Variants in ATP6V1B2 observed in about 807,000 individuals in gnomAD.
ATP6V1B2 encodes V-type proton ATPase subunit B, brain isoform.
ATP6V1B2 carries 23 observed loss-of-function variants against 66.7 expected under a neutral mutation model. The ratio of observed to expected loss-of-function variants is 0.34; its 90% CI spans 0.25 to 0.49. The LOEUF is 0.49. Among genes scored for constraint, ATP6V1B2 ranks in the 20% least tolerant of loss-of-function variants. ATP6V1B2 has a pLI of 0.99. For missense variants in ATP6V1B2, 478 were observed against 650.8 expected (o/e 0.73, Z 2.89); for synonymous variants, 278 against 236.7 (o/e 1.17, Z -1.60).
rs1212651307 is a variant in ATP6V1B2 at position 20,220,766 on chromosome 8, T to TA, written c.*366dup. ...TCAAGAGTACCAGTCTCTGAAGTTA[T>TA]AATGCTTTGGTCTCTACATTAGGGG... On this transcript the variant is annotated 3_prime_UTR_variant, in exon 14 of 14. Coordinates refer to ENST00000276390, the MANE Select transcript of ATP6V1B2 (RefSeq NM_001693.4). 2 of 163,956 alleles carry TA rather than the reference T, an allele frequency of 1.2e-5. No individual in the cohort carries two copies. The highest frequency in any genetic ancestry group is 4.8e-5 in the African/African-American group (2 of 41,522). The allele number at this position is 163,956 out of a possible 1,614,324, so 10.2% of individuals were successfully genotyped here. A position where few individuals can be genotyped will look rare whatever the true frequency, so the allele number is the denominator to read the frequency against.
At position 20,201,881 on chromosome 8, in the gene ATP6V1B2, AGTCCCAGGGTG is replaced by A. The variant is rs561873849; in HGVS notation, c.137-2600_137-2590del. On this transcript the variant is annotated intron_variant, in intron 1 of 13. Transcript: ENST00000276390. The stretch of plus-strand genomic sequence containing the variant: ...CCTTCTTTCTGGTGGGACTTGAAAG[AGTCCCAGGGTG>A]GTTCAGGGCATCACATGGTGAGGGG... Among the ~76,000 whole-genome samples the A allele has an allele frequency of 7.4e-4, 112 of 152,290 alleles. No individual in the cohort carries two copies. In the East Asian group the frequency reaches 0.019, roughly 26 times the overall value.
intron 1 of ATP6V1B2, among the ~76,000 whole-genome samples, chr8:20,202,564 A>G (rs368921037): frequency 2.6e-5 from 4 of 152,322 alleles, no homozygotes; most frequent in African/African-American, 9.6e-5. Flanking sequence ...GTAGATGTCA[A>G]TTTGAGTCAC....
In ATP6V1B2 at chr8:20,209,547, C is replaced by T; in HGVS notation, c.291+16C>T. On this transcript the variant is annotated intron_variant, in intron 3 of 13. Coordinates refer to ENST00000276390, the MANE Select transcript of ATP6V1B2 (RefSeq NM_001693.4). ...AGTAGTTCAGGTAAGTTTCAGCTGG[C>T]CAGCTGAACTGTTTCCTAGTTGCCT... 6.2e-7 allele frequency: 1 copy of T among 1,605,554 alleles called. No homozygotes were observed. Among genetic ancestry groups the T allele is most frequent in the South Asian group, 1.1e-5 (1 of 90,898 alleles).
At chr8:20,216,956 A>G in intron 11 of ATP6V1B2, 1 of 394,208 alleles carries the variant, frequency 2.5e-6, no homozygotes, top group Non-Finnish European at 4.6e-6. Flanking sequence ...ACAGATGTTG[A>G]AAGTTGAGTT....
chr8:20,197,619 A>G (rs1563797848), intron 1 of ATP6V1B2, 77 bp downstream of exon 1: 1 of 1,290,960 alleles, frequency 7.7e-7, no homozygotes, highest in Non-Finnish European at 9.9e-7. Flanking sequence ...CTGCTTAGCC[A>G]GCGGGTAGGG....
Position 20,218,265 on chromosome 8 carries a change from G to C in ATP6V1B2, c.1379G>C (p.Arg460Thr), listed in dbSNP as rs781305658. ...TTGGAATTTCTGCAGAAGTTTGAGA[G>C]GAACTTCATTGCTCAGGGTAAGATG... ...LYLEFLQKFERNFIAQGPYEN... is the reference protein window; with the variant it reads ...LYLEFLQKFETNFIAQGPYEN... Residue 460 changes from arginine to threonine, a missense_variant, in exon 13 of 14, where the codon AGG (arginine) becomes ACG (threonine). By Grantham distance (71) the Arg-to-Thr change is moderately conservative. Coordinates refer to ENST00000276390, the MANE Select transcript of ATP6V1B2 (RefSeq NM_001693.4). 3.7e-6 allele frequency: 6 copies of C among 1,613,238 alleles called. No individual in the cohort carries two copies. Among genetic ancestry groups the C allele is most frequent in the Non-Finnish European group, 5.1e-6 (6 of 1,179,398 alleles).
chr8:20,217,160 C>T lies in ATP6V1B2; in HGVS notation c.1162-60C>T, dbSNP rs1042963806. The T allele has an allele frequency of 3.1e-5, 42 of 1,339,768 alleles. No individual in the cohort carries two copies. The African/African-American group carries it at 5.5e-4, about 18-fold the overall frequency. The allele number at this position is 1,339,768 out of a possible 1,614,324, so 83.0% of individuals were successfully genotyped here. A position where few individuals can be genotyped will look rare whatever the true frequency, so the allele number is the denominator to read the frequency against. ...ATGAGTTTCAAATGTTTTTTTATTACCAGTAAAACTTGAGTTTTGTACTTA... is the reference window on the plus strand; with the variant it reads ...ATGAGTTTCAAATGTTTTTTTATTATCAGTAAAACTTGAGTTTTGTACTTA... On this transcript the variant is annotated intron_variant, in intron 11 of 13. Coordinates refer to ENST00000276390, the MANE Select transcript of ATP6V1B2 (RefSeq NM_001693.4).
In ATP6V1B2 at chr8:20,210,372, T is replaced by A; in HGVS notation, c.318T>A (p.Asp106Glu). 3 of 1,613,446 alleles carry A rather than the reference T, an allele frequency of 1.9e-6. No homozygotes were observed. Among genetic ancestry groups the A allele is most frequent in the Non-Finnish European group, 2.5e-6 (3 of 1,179,620 alleles). ...TATTTGAAGGGACTTCAGGTATAGA[T>A]GCTAAGAAAACGTCCTGTGAGTTTA... ...VQVFEGTSGI[D>E]AKKTSCEFTG... Residue 106 changes from aspartate to glutamate, a missense_variant, in exon 4 of 14, where the codon GAT becomes GAA. Asp to Glu is a conservative substitution (Grantham distance 45, BLOSUM62 2). Transcript: ENST00000276390.
intron 1 of ATP6V1B2, among the ~76,000 whole-genome samples, chr8:20,202,713 C>G (rs1376796316): frequency 6.6e-6 from 1 of 152,048 alleles, no homozygotes; most frequent in Non-Finnish European, 1.5e-5. Flanking sequence ...GAAATCAGAC[C>G]TATAAAGGAG....
At position 20,209,420 on chromosome 8, in the gene ATP6V1B2, T is replaced by A. The variant is rs775967966; in HGVS notation, c.193-13T>A. On this transcript the variant is annotated splice_polypyrimidine_tract_variant and intron_variant, in intron 2 of 13. Coordinates refer to ENST00000276390, the MANE Select transcript of ATP6V1B2 (RefSeq NM_001693.4). ...AAATGTCGGATATTGATCCTTTATT[T>A]TTTTCTCTTTAGTTTCCCAGGTATG... The A allele has an allele frequency of 6.2e-7, 1 of 1,612,396 alleles. No homozygotes were observed. Among genetic ancestry groups the A allele is most frequent in the Non-Finnish European group, 8.5e-7 (1 of 1,178,722 alleles).
intron 4 of ATP6V1B2, 34 bp downstream of exon 4, chr8:20,210,473 T>G (rs1339627854): frequency 6.2e-7 from 1 of 1,608,558 alleles, no homozygotes; most frequent in Admixed American, 1.7e-5. Context: ...AGCCGAGATC[T>G]GTTTCCTTTT....
rs148416874 is a variant in ATP6V1B2, at chr8:20,211,185, A to G, written c.472A>G (p.Ile158Val). The change falls in exon 6 of 14, where the codon ATC becomes GTC. Residue 158 changes from isoleucine (I) to valine (V), a missense_variant. This residue lies in a region of ATP6V1B2 where 326 missense variants were observed against 545.6 expected (regional missense o/e 0.60). Transcript: ENST00000276390. ...EDFLDIMGQP[I>V]NPQCRIYPEE... ...TTTTGGAAATACATTAGGTCAGCCA[A>G]TCAACCCTCAATGTCGAATCTACCC... The G allele has an allele frequency of 8.7e-6, 14 of 1,611,966 alleles. No homozygotes were observed. Among genetic ancestry groups the G allele is most frequent in the African/African-American group, 5.3e-5 (4 of 74,816 alleles).
In ATP6V1B2 at chr8:20,204,479, T is replaced by A; in HGVS notation, c.137-5T>A. 6.2e-7 allele frequency: 1 copy of A among 1,611,506 alleles called. No homozygotes were observed. ...TAAAACTGACTCTTCTGTATTTCTT[T>A]CCAGCATACAAGACAGTATCTGGAG... is the stretch of plus-strand genomic sequence containing the variant. On this transcript the variant is annotated splice_region_variant and splice_polypyrimidine_tract_variant and intron_variant, in intron 1 of 13. Transcript: ENST00000276390.
intron 9 of ATP6V1B2, chr8:20,213,510 C>T (rs182404623): frequency 7.8e-5 from 12 of 154,006 alleles, no homozygotes; most frequent in Non-Finnish European, 1.2e-4. Flanking sequence ...ATTGGCTGGG[C>T]GTAGTGGCAC....
chr8:20,198,605 G>A (rs1464999697), intron 1 of ATP6V1B2, among the ~76,000 whole-genome samples: 1 of 152,148 alleles, frequency 6.6e-6, no homozygotes, highest in Non-Finnish European at 1.5e-5. Flanking sequence ...TCCCCAGGTG[G>A]TGAGACTGCA....
At chr8:20,208,234 G>A (rs1372407440) in intron 2 of ATP6V1B2, among the ~76,000 whole-genome samples, 2 of 152,156 alleles carry the variant, frequency 1.3e-5, no homozygotes, top group African/African-American at 4.8e-5. Context: ...AATGCTCATT[G>A]TAACATTTCT....
In ATP6V1B2 at chr8:20,209,413, C is replaced by T; in HGVS notation, c.193-20C>T. ...GCTTGTAAAATGTCGGATATTGATC[C>T]TTTATTTTTTTCTCTTTAGTTTCCC... On this transcript the variant is annotated intron_variant, in intron 2 of 13. Transcript: ENST00000276390. The T allele has an allele frequency of 6.2e-7, 1 of 1,609,508 alleles. No individual in the cohort carries two copies. Among genetic ancestry groups the T allele is most frequent in the African/African-American group, 1.3e-5 (1 of 74,896 alleles).
At position 20,217,311 on chromosome 8, in the gene ATP6V1B2, T is replaced by C; in HGVS notation, c.1253T>C (p.Val418Ala). ...ATGACCAGGAAGGATCATGCCGATG[T>C]ATCTAACCAGCTAGTATGTACATTC... ...EGMTRKDHAD[V>A]SNQLYACYAI... is the part of the protein sequence containing the mutation. Residue 418 changes from valine (V) to alanine (A), a missense_variant, in exon 12 of 14, where the codon GTA becomes GCA. Physicochemically the swap from Val to Ala is moderately conservative, Grantham distance 64 (BLOSUM62 0). Transcript: ENST00000276390. The C allele has an allele frequency of 6.2e-7, 1 of 1,609,898 alleles. No individual in the cohort carries two copies. Among genetic ancestry groups the C allele is most frequent in the Non-Finnish European group, 8.5e-7 (1 of 1,176,316 alleles).
chr8:20,213,010 G>GTTATA (rs1202044453), intron 9 of ATP6V1B2, 105 bp downstream of exon 9: 1 of 1,446,452 alleles, frequency 6.9e-7, no homozygotes, highest in Non-Finnish European at 9.5e-7. Flanking sequence ...TAATTCCACT[G>GTTATA]TTCATATATT....
Sources: gnomAD v4.1 joint callset for allele counts (sites outside exome capture counted in the v4.1 genomes callset) on GRCh38, gnomAD v4.1.1 for gene constraint, gnomAD v4.1.1 regional missense constraint, MANE v1.5 for transcripts, NCBI Gene and HGNC (gene_info 2026-07-23, HGNC 2026-07-21) for gene names.